Variants in SCN9A observed in about 807,000 individuals in gnomAD.
SCN9A encodes the protein sodium voltage-gated channel alpha subunit 9, also known as sodium channel protein type 9 subunit alpha.
SCN9A carries 131 observed loss-of-function variants against 187.0 expected under a neutral mutation model. The observed-to-expected ratio is 0.70, with a 90% CI of 0.61 to 0.81. The LOEUF is 0.81. Ranked by LOEUF, SCN9A falls within the 30% of genes least tolerant of loss-of-function variation. SCN9A has a pLI of 0.00. For synonymous variants in SCN9A, 809 were observed against 808.6 expected (o/e 1.00, Z -0.01); for missense variants, 2,252 against 2,396.6 (o/e 0.94, Z 1.26).
At chr2:166,260,257 T>A (rs1269230586) in intron 17 of SCN9A, among the ~76,000 whole-genome samples, 1 of 151,884 alleles carries the variant, frequency 6.6e-6, no homozygotes, top group Non-Finnish European at 1.5e-5. Flanking sequence ...TTTAAGTATC[T>A]CCAAAGATAA....
intron 1 of SCN9A, among the ~76,000 whole-genome samples, chr2:166,318,843 T>G (rs1699172096): frequency 6.6e-6 from 1 of 152,100 alleles, no homozygotes; most frequent in Non-Finnish European, 1.5e-5. Flanking sequence ...ATATCTTAGA[T>G]TTTTCTATAT....
chr2:166,252,173 A>G (rs1053589879), intron 17 of SCN9A, among the ~76,000 whole-genome samples: 2 of 152,128 alleles, frequency 1.3e-5, no homozygotes, highest in Non-Finnish European at 2.9e-5. Flanking sequence ...GATGTTAACT[A>G]TCACTTTTGG....
intron 1 of SCN9A, among the ~76,000 whole-genome samples, chr2:166,360,203 G>A (rs1464001889): frequency 2.3e-4 from 22 of 94,390 alleles, no homozygotes; most frequent in African/African-American, 8.4e-4. Flanking sequence ...TGGGCAACAA[G>A]AGCGAAACTC....
Position 166,311,504 on chromosome 2 carries a change from T to C in SCN9A, c.253A>G (p.Lys85Glu), listed in dbSNP as rs200885240. The change falls in exon 2 of 27, where the codon AAA becomes GAA. Residue 85 changes from lysine to glutamate, a missense_variant. Lys to Glu is a moderately conservative substitution (Grantham distance 56, BLOSUM62 1). This residue lies in a region of SCN9A where 1,013 missense variants were observed against 997.4 expected (regional missense o/e 1.02). Coordinates refer to ENST00000642356, the MANE Select transcript of SCN9A (RefSeq NM_001365536.1). Reference sequence around the variant, plus strand: ...TGAAGTCAAAATAAACTCACCTTTTTGTCTGCATAGTAGGGGTCCAAGTCC... The same window carrying C: ...TGAAGTCAAAATAAACTCACCTTTTCGTCTGCATAGTAGGGGTCCAAGTCC... ...LEDLDPYYADKKTFIVLNKGK... is the reference protein window; with the variant it reads ...LEDLDPYYADEKTFIVLNKGK... 1 of 1,557,662 alleles carries C rather than the reference T, an allele frequency of 6.4e-7. No homozygotes were observed. Among genetic ancestry groups the C allele is most frequent in the Non-Finnish European group, 8.7e-7 (1 of 1,148,814 alleles).
Position 166,286,362 on chromosome 2 carries a change from C to T in SCN9A, c.1576G>A (p.Glu526Lys). 6.2e-7 allele frequency: 1 copy of T among 1,611,584 alleles called. No individual in the cohort carries two copies. Residue 526 changes from glutamate (E) to lysine (K), a missense_variant, in exon 11 of 27, where the codon GAA becomes AAA. Coordinates refer to ENST00000642356, the MANE Select transcript of SCN9A (RefSeq NM_001365536.1). ...LGVEGHRRAH[E>K]KRLSTPNQSP... ...TGATTGGGGGTAGACAACCTCTTTT[C>T]ATGTGCTCGCCTATGCCCTTCGACA...
At chr2:166,340,482 TTTC>T (rs1234488565) in intron 1 of SCN9A, among the ~76,000 whole-genome samples, 1 of 151,240 alleles carries the variant, frequency 6.6e-6, no homozygotes, top group Non-Finnish European at 1.5e-5. Context: ...TTTCTTTCTC[TTTC>T]TTTTTTTCTT....
At chr2:166,265,649 C>T (rs1364714407) in intron 17 of SCN9A, among the ~76,000 whole-genome samples, 2 of 151,912 alleles carry the variant, frequency 1.3e-5, no homozygotes, top group African/African-American at 4.8e-5. Context: ...ATATTACTTT[C>T]CATAATGGTG....
In SCN9A at chr2:166,329,369, A is replaced by G. The variant is rs188657198; in HGVS notation, c.-50-17563T>C. On this transcript the variant is annotated intron_variant, in intron 1 of 26. Transcript: ENST00000642356. ...GTCACATGTGTGAAATATTATACTGATATTCCTTTAATAGGTTCATTTCAT... is the reference window on the plus strand; with the variant it reads ...GTCACATGTGTGAAATATTATACTGGTATTCCTTTAATAGGTTCATTTCAT... Among the ~76,000 whole-genome samples, 251 of 152,262 alleles carry G rather than the reference A, an allele frequency of 1.6e-3. 2 individuals are homozygous for G. The highest frequency in any genetic ancestry group is 5.9e-3 in the African/African-American group (244 of 41,558).
In SCN9A at chr2:166,199,803, G is replaced by A. The variant is rs777688318; in HGVS notation, c.4836C>T (p.Ile1612=). 6.2e-7 allele frequency: 1 copy of A among 1,613,854 alleles called. No individual in the cohort carries two copies. The highest frequency in any genetic ancestry group is 8.5e-7 in the Non-Finnish European group (1 of 1,179,974). ...YFVSPTLFRV[I]RLARIGRILR... ...GGATTCGGCCAATCCTGGCAAGACG[G>A]ATCACTCGGAACAGGGTAGGGGACA... Residue 1612 remains isoleucine (I), a synonymous_variant, in exon 27 of 27, where the codon ATC becomes ATT. Transcript: ENST00000642356.
At chr2:166,365,302 T>C (rs1195496257) in intron 1 of SCN9A, among the ~76,000 whole-genome samples, 1 of 152,152 alleles carries the variant, frequency 6.6e-6, no homozygotes, top group African/African-American at 2.4e-5. Context: ...TACATATACA[T>C]TTACATCTAA....
intron 18 of SCN9A, among the ~76,000 whole-genome samples, chr2:166,245,709 G>A (rs1384884202): frequency 6.6e-6 from 1 of 151,848 alleles, no homozygotes; most frequent in East Asian, 1.9e-4. Flanking sequence ...AGTAAGAATG[G>A]GCAGCACTTT....
intron 17 of SCN9A, among the ~76,000 whole-genome samples, chr2:166,256,142 C>A (rs1386362047): frequency 1.3e-5 from 2 of 151,226 alleles, no homozygotes; most frequent in Middle Eastern, 3.2e-3. Flanking sequence ...ACAAAAATAA[C>A]CTTTCTTCTC....
rs768621572 is a variant in SCN9A at position 166,199,253 on chromosome 2, A to G, written c.5386T>C (p.Phe1796Leu). ...TCAGAGAGTTTAGAGAACTCTATAA[A>G]CTGGGTCGCATCGGGATCAAACTTC... is the stretch of plus-strand genomic sequence containing the variant. Reference protein sequence around the residue: ...WEKFDPDATQFIEFSKLSDFA... With the variant: ...WEKFDPDATQLIEFSKLSDFA... Residue 1796 changes from phenylalanine (F) to leucine (L), a missense_variant, in exon 27 of 27, where the codon TTT (phenylalanine) becomes CTT (leucine). By Grantham distance (22) the Phe-to-Leu change is conservative. Transcript: ENST00000642356. 4.3e-6 allele frequency: 7 copies of G among 1,614,140 alleles called. No homozygotes were observed. The South Asian group carries it at 7.7e-5, about 18-fold the overall frequency.
intron 18 of SCN9A, among the ~76,000 whole-genome samples, chr2:166,243,373 A>C (rs1695649474): frequency 6.6e-6 from 1 of 151,948 alleles, no homozygotes; most frequent in Admixed American, 6.6e-5. Flanking sequence ...CAGTGAATTT[A>C]TGTTAGGTTT....
At chr2:166,315,291 G>A (rs1699081759) in intron 1 of SCN9A, among the ~76,000 whole-genome samples, 1 of 152,104 alleles carries the variant, frequency 6.6e-6, no homozygotes, top group African/African-American at 2.4e-5. Context: ...AGAATTATTT[G>A]ACAGAAATCT....
At chr2:166,355,957 G>A (rs1700143308) in intron 1 of SCN9A, among the ~76,000 whole-genome samples, 1 of 152,026 alleles carries the variant, frequency 6.6e-6, no homozygotes, top group Admixed American at 6.6e-5. Context: ...ATTTTTAGTA[G>A]CGACAGGGTT....
chr2:166,333,613 A>T (rs573793230), intron 1 of SCN9A, among the ~76,000 whole-genome samples: 2 of 152,100 alleles, frequency 1.3e-5, no homozygotes, highest in African/African-American at 4.8e-5. Context: ...TAAAGAACAC[A>T]ATACCATATT....
At chr2:166,260,362 T>G (rs1696453800) in intron 17 of SCN9A, among the ~76,000 whole-genome samples, 1 of 151,860 alleles carries the variant, frequency 6.6e-6, no homozygotes, top group Non-Finnish European at 1.5e-5. Flanking sequence ...TTCCTCTGCC[T>G]GAGATTTCCT....
intron 17 of SCN9A, among the ~76,000 whole-genome samples, chr2:166,256,613 C>CT (rs1285309072): frequency 2.6e-5 from 4 of 151,190 alleles, no homozygotes; most frequent in South Asian, 2.1e-4. Context: ...AACTTTAGCT[C>CT]TTTTTTTAAA....
Sources: allele counts gnomAD v4.1 joint callset (sites outside exome capture counted in the v4.1 genomes callset), GRCh38; gene constraint gnomAD v4.1.1; regional missense constraint gnomAD v4.1.1; transcripts MANE v1.5; gene names NCBI Gene and HGNC (gene_info 2026-07-23, HGNC 2026-07-21).